Variants in RSF1 observed in about 807,000 individuals in gnomAD.
RSF1 encodes the protein remodeling and spacing factor 1.
In RSF1, 13 loss-of-function variants were observed where a neutral mutation model predicts 145.2. The observed-to-expected ratio is 0.09, with a 90% confidence interval of 0.06 to 0.14. RSF1 has a LOEUF of 0.14. RSF1 is among the 10% of genes least tolerant of loss of function. RSF1 has a pLI of 1.00. For synonymous variants in RSF1, 577 were observed against 592.6 expected, an observed-to-expected ratio of 0.97 and a Z score of 0.38; for missense variants, 1,517 against 1,718.2, an observed-to-expected ratio of 0.88 and a Z score of 2.07.
At chr11:77,803,254 C>A (rs979394087) in intron 1 of RSF1, among the ~76,000 whole-genome samples, 1 of 152,002 alleles carries the variant, frequency 6.6e-6, no homozygotes, top group Admixed American at 6.6e-5. Context: ...CTCAAGTGAT[C>A]CTCCCGCCTC....
At chr11:77,698,188 C>G (rs997852694) in intron 7 of RSF1, among the ~76,000 whole-genome samples, 1 of 152,082 alleles carries the variant, frequency 6.6e-6, no homozygotes, top group Non-Finnish European at 1.5e-5. Context: ...AGAAGAAAAA[C>G]TTAAAAAGAA....
At position 77,808,825 on chromosome 11, in the gene RSF1, G is replaced by A. The variant is rs562071252; in HGVS notation, c.187+11703C>T. Among the ~76,000 whole-genome samples, 6 of 104,278 alleles carry A rather than the reference G, an allele frequency of 5.8e-5. 1 individual carries two copies. Among genetic ancestry groups the A allele is most frequent in the African/African-American group, 2.4e-4 (5 of 20,742 alleles). 68.4% of individuals were successfully genotyped at this position (104,278 alleles called of 152,430 possible). ...TGGGATTACAGGCGTGAGCCACCGC[G>A]CCCGGCCTCAAATATTATACCTTTT... On this transcript the variant is annotated intron_variant, in intron 1 of 15. Transcript: ENST00000308488.
intron 1 of RSF1, among the ~76,000 whole-genome samples, chr11:77,773,584 AT>A (rs1218043665): frequency 6.6e-6 from 1 of 152,186 alleles, no homozygotes; most frequent in Non-Finnish European, 1.5e-5. Flanking sequence ...AGAAAAATTA[AT>A]TTAAAATTAA....
At chr11:77,677,253 C>T (rs1959733882) in intron 12 of RSF1, among the ~76,000 whole-genome samples, 1 of 152,158 alleles carries the variant, frequency 6.6e-6, no homozygotes, top group Non-Finnish European at 1.5e-5. Flanking sequence ...TCACACACCG[C>T]AATATTCACC....
chr11:77,816,429 T>A (rs1948782707), intron 1 of RSF1, among the ~76,000 whole-genome samples: 1 of 152,232 alleles, frequency 6.6e-6, no homozygotes, highest in African/African-American at 2.4e-5. Flanking sequence ...AAAAGGCATT[T>A]TTTTAACTTT....
At chr11:77,858,939 C>T in the RSF1 span, among the ~76,000 whole-genome samples, 1 of 152,192 alleles carries the variant, frequency 6.6e-6, no homozygotes, top group South Asian at 2.1e-4. Flanking sequence ...GCCTGCAGTG[C>T]AGGGGATTAT....
chr11:77,817,823 C>T (rs1948796560), intron 1 of RSF1, among the ~76,000 whole-genome samples: 1 of 152,320 alleles, frequency 6.6e-6, no homozygotes, highest in East Asian at 1.9e-4. Flanking sequence ...CAGTTCAAAT[C>T]TTGTTGGCTG....
At chr11:77,788,142 C>CAA (rs66595170) in intron 1 of RSF1, among the ~76,000 whole-genome samples, 95 of 3,442 alleles carry the variant, frequency 0.028, 20 homozygotes, top group Non-Finnish European at 0.043. Context: ...GACACTATCT[C>CAA]AAAAAAAAAA....
chr11:77,733,485 T>C (rs930744942), intron 4 of RSF1, among the ~76,000 whole-genome samples: 44 of 152,290 alleles, frequency 2.9e-4, no homozygotes, highest in Admixed American at 2.2e-3. Context: ...ATCTGGTCTA[T>C]GGTCTTTATT....
In RSF1 at chr11:77,808,334, A is replaced by C. The variant is rs545478462; in HGVS notation, c.187+12194T>G. On this transcript the variant is annotated intron_variant, in intron 1 of 15. Coordinates refer to ENST00000308488, the MANE Select transcript of RSF1 (RefSeq NM_016578.4). ...GCAACAGAGAAAGACTCTGTCTAAA[A>C]AAACAAACAAACAAACAAAAACACA... 1.5e-4 allele frequency among the ~76,000 whole-genome samples: 15 copies of C among 102,478 alleles called. No individual in the cohort carries two copies. In the South Asian group the frequency reaches 4.5e-3, roughly 31 times the overall value. The allele number at this position is 102,478 out of a possible 152,430, so 67.2% of individuals were successfully genotyped here. A position where few individuals can be genotyped will look rare whatever the true frequency, so the allele number is the denominator to read the frequency against.
intron 1 of RSF1, among the ~76,000 whole-genome samples, chr11:77,776,247 C>T (rs1948341284): frequency 6.6e-6 from 1 of 152,070 alleles, no homozygotes; most frequent in African/African-American, 2.4e-5. Context: ...GGGAAAAAAC[C>T]TTCAACAGCA....
At chr11:77,869,113 G>A in the RSF1 span, 1 of 265,272 alleles carries the variant, frequency 3.8e-6, no homozygotes, top group East Asian at 9.2e-5. Context: ...GTACCATGTG[G>A]CCAAAGGAAC....
intron 5 of RSF1, among the ~76,000 whole-genome samples, chr11:77,715,536 C>A (rs1048931454): frequency 1.3e-4 from 20 of 152,028 alleles, no homozygotes; most frequent in African/African-American, 4.6e-4. Context: ...CAACCTCCAT[C>A]TCCCAGGTTC....
chr11:77,677,281 T>G (rs1452751059), intron 12 of RSF1, among the ~76,000 whole-genome samples: 1 of 152,174 alleles, frequency 6.6e-6, no homozygotes, highest in African/African-American at 2.4e-5. Flanking sequence ...AGTGTACAAT[T>G]CAGACATTTT....
intron 5 of RSF1, chr11:77,703,520 A>T (rs2135856607): frequency 6.6e-6 from 1 of 152,348 alleles, no homozygotes; most frequent in South Asian, 2.1e-4. Flanking sequence ...ATTCTCGTCA[A>T]GTTGATAAAC....
At chr11:77,728,148 C>T (rs1282461421) in intron 4 of RSF1, among the ~76,000 whole-genome samples, 1 of 152,128 alleles carries the variant, frequency 6.6e-6, no homozygotes, top group Non-Finnish European at 1.5e-5. Context: ...TCAGATATAT[C>T]CCTCCAAAAT....
chr11:77,787,287 C>A (rs1313900746), intron 1 of RSF1, among the ~76,000 whole-genome samples: 2 of 152,090 alleles, frequency 1.3e-5, no homozygotes, highest in Non-Finnish European at 2.9e-5. Flanking sequence ...AGGGGGTCAG[C>A]AAATTATATC....
At chr11:77,819,533 G>C (rs781454404) in intron 1 of RSF1, among the ~76,000 whole-genome samples, 1 of 152,190 alleles carries the variant, frequency 6.6e-6, no homozygotes. Flanking sequence ...TATGTGGAAG[G>C]AGCACCACTT....
At chr11:77,782,192 C>T (rs1371971102) in intron 1 of RSF1, among the ~76,000 whole-genome samples, 1 of 152,180 alleles carries the variant, frequency 6.6e-6, no homozygotes, top group Admixed American at 6.5e-5. Flanking sequence ...CCACATGTGG[C>T]TTAGTGGTGA....
Sources: gnomAD v4.1 joint callset for allele counts (sites outside exome capture counted in the v4.1 genomes callset) on GRCh38, gnomAD v4.1.1 for gene constraint, MANE v1.5 for transcripts, NCBI Gene and HGNC (gene_info 2026-07-23, HGNC 2026-07-21) for gene names.